Variants in GRM8 observed in about 807,000 individuals in gnomAD.
GRM8 encodes the protein glutamate metabotropic receptor 8.
Under a neutral mutation model 87.2 loss-of-function variants are expected in GRM8, and 47 were observed. The ratio of observed to expected loss-of-function variants is 0.54; its 90% CI spans 0.43 to 0.69. The LOEUF (loss-of-function observed/expected upper bound fraction) is 0.69. Among genes scored for constraint, GRM8 ranks in the 30% least tolerant of loss-of-function variants. The probability of loss-of-function intolerance (pLI) is 0.00; values close to 1 mark genes in which losing one functional copy is unlikely to be tolerated. For missense variants in GRM8, 1,019 were observed against 1,139.2 expected (o/e 0.89, Z 1.52); for synonymous variants, 396 against 404.5 (o/e 0.98, Z 0.25).
chr7:126,788,919 G>A (rs867687114), intron 6 of GRM8, among the ~76,000 whole-genome samples: 2 of 152,038 alleles, frequency 1.3e-5, no homozygotes, highest in East Asian at 1.9e-4. Flanking sequence ...TGCTCAGAGT[G>A]TATTTGAAAT....
chr7:126,687,289 TTTTAG>T, intron 7 of GRM8, among the ~76,000 whole-genome samples: 2 of 152,328 alleles, frequency 1.3e-5, no homozygotes, highest in East Asian at 3.9e-4. Context: ...TTCCTAAACC[TTTTAG>T]TTTAGTTTTT....
chr7:127,131,352 T>C lies in GRM8; in HGVS notation c.511-24640A>G, dbSNP rs1023400817. The stretch of plus-strand genomic sequence containing the variant: ...AATCATGTGCAAAATCATGGACATA[T>C]GACCTTTGGGATGATTAGACCAAGG... On this transcript the variant is annotated intron_variant, in intron 2 of 10. Transcript: ENST00000339582. Among the ~76,000 whole-genome samples, 23 of 152,328 alleles carry C rather than the reference T, an allele frequency of 1.5e-4. 1 individual carries two copies. Among genetic ancestry groups the C allele is most frequent in the African/African-American group, 4.8e-4 (20 of 41,586 alleles).
At chr7:126,440,534 A>G (rs983940189) in intron 10 of GRM8, among the ~76,000 whole-genome samples, 3 of 152,032 alleles carry the variant, frequency 2.0e-5, no homozygotes, top group Non-Finnish European at 4.4e-5. Flanking sequence ...ATTCATAGTA[A>G]GTTCCCTATT....
At chr7:127,072,663 A>T (rs1422459428) in intron 3 of GRM8, among the ~76,000 whole-genome samples, 2 of 150,658 alleles carry the variant, frequency 1.3e-5, no homozygotes, top group Non-Finnish European at 2.9e-5. Flanking sequence ...ATCTGGCTCA[A>T]CACACAAATC....
chr7:127,150,839 G>A (rs1200011917), intron 2 of GRM8, among the ~76,000 whole-genome samples: 2 of 152,062 alleles, frequency 1.3e-5, no homozygotes, highest in African/African-American at 4.8e-5. Flanking sequence ...ATAAAGCCCA[G>A]AATTAGAGAA....
intron 8 of GRM8, among the ~76,000 whole-genome samples, chr7:126,548,385 G>A (rs1014091750): frequency 2.6e-5 from 4 of 151,114 alleles, no homozygotes; most frequent in African/African-American, 4.9e-5. Flanking sequence ...GGGAGAAATC[G>A]TCCTTAAGTA....
intron 9 of GRM8, among the ~76,000 whole-genome samples, chr7:126,470,271 T>C (rs957946962): frequency 2.0e-5 from 3 of 151,682 alleles, no homozygotes; most frequent in Non-Finnish European, 4.4e-5. Context: ...ACATGTGCCA[T>C]GCTGGGGTGC....
intron 3 of GRM8, among the ~76,000 whole-genome samples, chr7:127,018,715 A>G (rs759510734): frequency 1.3e-4 from 20 of 151,858 alleles, no homozygotes; most frequent in Non-Finnish European, 2.5e-4. Flanking sequence ...TGCTTTCCCA[A>G]TGGTAACACA....
At chr7:126,674,761 G>T (rs916297820) in intron 7 of GRM8, among the ~76,000 whole-genome samples, 1 of 152,136 alleles carries the variant, frequency 6.6e-6, no homozygotes, top group African/African-American at 2.4e-5. Context: ...ATAGATCAAT[G>T]TTAGCTGGCA....
At chr7:126,883,330 T>G (rs984073143) in intron 6 of GRM8, among the ~76,000 whole-genome samples, 2 of 152,212 alleles carry the variant, frequency 1.3e-5, no homozygotes, top group Non-Finnish European at 2.9e-5. Flanking sequence ...TTCTTCTATT[T>G]TGATGCTAGA....
rs1365792791 is a variant in GRM8 at position 127,243,222 on chromosome 7, T to C, written c.-18A>G. The C allele has an allele frequency of 5.0e-6, 8 of 1,590,664 alleles. No homozygotes were observed. The highest frequency in any genetic ancestry group is 2.3e-5 in the South Asian group (2 of 88,800). On this transcript the variant is annotated 5_prime_UTR_variant, in exon 2 of 11. Coordinates refer to ENST00000339582, the MANE Select transcript of GRM8 (RefSeq NM_000845.3). ...CATACCATTTTCTCCACAGGTGGTA[T>C]TGCAATCCAAGACCCAAAGTTTATT... is the stretch of plus-strand genomic sequence containing the variant.
intron 7 of GRM8, among the ~76,000 whole-genome samples, chr7:126,768,088 A>G (rs1818396678): frequency 6.6e-6 from 1 of 152,016 alleles, no homozygotes; most frequent in Admixed American, 6.6e-5. Flanking sequence ...CTTATCTCAG[A>G]CACCTACTCC....
At chr7:126,884,883 T>C (rs962839594) in intron 6 of GRM8, among the ~76,000 whole-genome samples, 3 of 152,208 alleles carry the variant, frequency 2.0e-5, no homozygotes, top group Non-Finnish European at 2.9e-5. Flanking sequence ...ACTATGGGCA[T>C]ACAGTAGGGA....
At chr7:126,837,606 A>G (rs1224369445) in intron 6 of GRM8, among the ~76,000 whole-genome samples, 1 of 152,208 alleles carries the variant, frequency 6.6e-6, no homozygotes, top group Non-Finnish European at 1.5e-5. Flanking sequence ...GAGGAGATCT[A>G]TGTCTAGAGC....
At chr7:126,975,844 C>T (rs1297382940) in intron 3 of GRM8, among the ~76,000 whole-genome samples, 4 of 152,212 alleles carry the variant, frequency 2.6e-5, no homozygotes, top group Admixed American at 6.5e-5. Flanking sequence ...TAATACATAG[C>T]TGTTTTTACA....
At chr7:126,708,754 G>A (rs1347914850) in intron 7 of GRM8, among the ~76,000 whole-genome samples, 2 of 152,086 alleles carry the variant, frequency 1.3e-5, no homozygotes, top group African/African-American at 4.8e-5. Flanking sequence ...ATCTACAAGA[G>A]TTGAACTCAT....
intron 6 of GRM8, among the ~76,000 whole-genome samples, chr7:126,891,048 G>A (rs1800953507): frequency 6.6e-6 from 1 of 151,882 alleles, no homozygotes; most frequent in South Asian, 2.1e-4. Flanking sequence ...CTTAAACTCA[G>A]TATCTCCCAC....
At chr7:126,765,116 A>G (rs1419180526) in intron 7 of GRM8, among the ~76,000 whole-genome samples, 1 of 145,644 alleles carries the variant, frequency 6.9e-6, no homozygotes, top group African/African-American at 2.8e-5. Flanking sequence ...GCTGACATTG[A>G]GACTTAAAAA....
chr7:126,572,763 C>T (rs1016856967), intron 8 of GRM8, among the ~76,000 whole-genome samples: 3 of 152,060 alleles, frequency 2.0e-5, no homozygotes, highest in Non-Finnish European at 2.9e-5. Flanking sequence ...GATATTCCAT[C>T]CCAGAATGGT....
Sources: gnomAD v4.1 joint callset for allele counts (sites outside exome capture counted in the v4.1 genomes callset) on GRCh38, gnomAD v4.1.1 for gene constraint, MANE v1.5 for transcripts, NCBI Gene and HGNC (gene_info 2026-07-23, HGNC 2026-07-21) for gene names.